Variants in AUTS2 observed in about 807,000 individuals in gnomAD.
The protein encoded by AUTS2 is autism susceptibility gene 2 protein.
In AUTS2, 17 loss-of-function variants were observed where a neutral mutation model predicts 112.4. That is an observed-to-expected ratio of 0.15 (90% CI 0.10 to 0.23). The LOEUF (loss-of-function observed/expected upper bound fraction) is 0.23, where lower values mean the gene tolerates loss of function less well. Among genes scored for constraint, AUTS2 ranks in the 10% least tolerant of loss-of-function variants. AUTS2 has a pLI of 1.00. For missense variants in AUTS2, 1,510 were observed against 1,701.6 expected, an observed-to-expected ratio of 0.89 and a Z score of 1.98; for synonymous variants, 751 against 702.7, an observed-to-expected ratio of 1.07 and a Z score of -1.09.
At chr7:70,680,631 G>A (rs894447579) in intron 5 of AUTS2, among the ~76,000 whole-genome samples, 1 of 152,166 alleles carries the variant, frequency 6.6e-6, no homozygotes, top group African/African-American at 2.4e-5. Context: ...CTGTGAGTGA[G>A]CACTGGTAAC....
At position 69,948,773 on chromosome 7, in the gene AUTS2, C is replaced by CATTTATTT. The variant is rs36128585; in HGVS notation, c.522+49316_522+49323dup. Among the ~76,000 whole-genome samples, 519 of 147,130 alleles carry CATTTATTT rather than the reference C, an allele frequency of 3.5e-3. 5 individuals carry two copies. The highest frequency in any genetic ancestry group is 0.01 in the East Asian group (51 of 4,980). On this transcript the variant is annotated intron_variant, in intron 2 of 18. Transcript: ENST00000342771. ...AAAAGGAAAAGCCAAAATTTTCTTT[C>CATTTATTT]ATTTATTTATTTATTTATTTATTTA...
intron 2 of AUTS2, among the ~76,000 whole-genome samples, chr7:69,912,126 C>T (rs762565859): frequency 8.5e-5 from 13 of 152,196 alleles, no homozygotes; most frequent in East Asian, 5.8e-4. Flanking sequence ...CAATGCCACC[C>T]GAGTGCATGC....
At chr7:70,027,387 A>G (rs1800568290) in intron 2 of AUTS2, among the ~76,000 whole-genome samples, 1 of 151,948 alleles carries the variant, frequency 6.6e-6, no homozygotes, top group Non-Finnish European at 1.5e-5. Context: ...TATATTTGTT[A>G]GTGTTTCTTC....
At chr7:69,890,758 C>T (rs1794484986) in intron 1 of AUTS2, among the ~76,000 whole-genome samples, 2 of 151,994 alleles carry the variant, frequency 1.3e-5, no homozygotes, top group South Asian at 4.2e-4. Flanking sequence ...AGGCAGTGCT[C>T]CTCAGTCAAG....
rs561433936 is a variant in AUTS2, at chr7:69,770,688, G to A, written c.310-128598G>A. Reference sequence around the variant, plus strand: ...TTTCGGAGATAGTGTGCTTTATATAGCAAGGATTTCCAGGGACCTACTAGA... The same window carrying A: ...TTTCGGAGATAGTGTGCTTTATATAACAAGGATTTCCAGGGACCTACTAGA... On this transcript the variant is annotated intron_variant, in intron 1 of 18. Coordinates refer to ENST00000342771, the MANE Select transcript of AUTS2 (RefSeq NM_015570.4). 5.9e-5 allele frequency among the ~76,000 whole-genome samples: 9 copies of A among 152,244 alleles called. No individual in the cohort carries two copies. The East Asian group carries it at 1.2e-3, about 20-fold the overall frequency.
intron 4 of AUTS2, among the ~76,000 whole-genome samples, chr7:70,295,708 C>A (rs1009815667): frequency 6.6e-6 from 1 of 152,120 alleles, no homozygotes; most frequent in African/African-American, 2.4e-5. Flanking sequence ...TTCTCTTCTT[C>A]GTGAAACCTG....
At chr7:70,450,058 TA>T (rs1351949859) in intron 5 of AUTS2, among the ~76,000 whole-genome samples, 5 of 152,178 alleles carry the variant, frequency 3.3e-5, no homozygotes, top group Non-Finnish European at 7.4e-5. Context: ...CAGTACTACT[TA>T]AACTTCAGCA....
intron 5 of AUTS2, among the ~76,000 whole-genome samples, chr7:70,540,496 C>A (rs970435685): frequency 4.6e-5 from 7 of 152,152 alleles, no homozygotes; most frequent in Non-Finnish European, 8.8e-5. Context: ...AGCACACAGT[C>A]GTCTCTGGGT....
chr7:70,224,326 GTACAGTACAATACAA>G (rs1258108579), intron 4 of AUTS2, among the ~76,000 whole-genome samples: 3 of 111,904 alleles, frequency 2.7e-5, no homozygotes, highest in East Asian at 2.7e-4. Context: ...ATACAATACA[GTACAGTACAATACAA>G]TACAATACAA....
At chr7:69,881,671 T>C (rs1794051750) in intron 1 of AUTS2, among the ~76,000 whole-genome samples, 1 of 152,128 alleles carries the variant, frequency 6.6e-6, no homozygotes, top group African/African-American at 2.4e-5. Flanking sequence ...CAAACTTTCC[T>C]AAAGTTTCCA....
intron 2 of AUTS2, among the ~76,000 whole-genome samples, chr7:69,998,590 A>T (rs1799050850): frequency 1.3e-5 from 2 of 152,222 alleles, no homozygotes; most frequent in Non-Finnish European, 2.9e-5. Flanking sequence ...CTGTTTGTTT[A>T]GTAAATATTT....
chr7:70,402,980 A>G (rs1047189788), intron 4 of AUTS2, among the ~76,000 whole-genome samples: 11 of 152,200 alleles, frequency 7.2e-5, no homozygotes, highest in African/African-American at 2.4e-4. Flanking sequence ...TCCTCATTAA[A>G]ATAATGTTAT....
intron 1 of AUTS2, among the ~76,000 whole-genome samples, chr7:69,614,362 T>TTCTTTCTTTCTTTCTC (rs1793227082): frequency 1.2e-5 from 1 of 84,946 alleles, no homozygotes; most frequent in Admixed American, 1.2e-4. Context: ...CTTTCTTTCT[T>TTCTTTCTTTCTTTCTC]TCTTTTTTTA....
At chr7:69,976,746 G>C (rs532276024) in intron 2 of AUTS2, among the ~76,000 whole-genome samples, 1 of 152,064 alleles carries the variant, frequency 6.6e-6, no homozygotes, top group Non-Finnish European at 1.5e-5. Flanking sequence ...ATTATCTTTG[G>C]AGAAATTTCT....
chr7:70,583,134 T>C (rs1023470753), intron 5 of AUTS2, among the ~76,000 whole-genome samples: 1 of 152,224 alleles, frequency 6.6e-6, no homozygotes, highest in East Asian at 1.9e-4. Flanking sequence ...GCCCGTGGAT[T>C]AGCCTAGTCT....
intron 2 of AUTS2, among the ~76,000 whole-genome samples, chr7:70,043,601 CTTCCTTTT>C (rs1425676714): frequency 6.1e-4 from 16 of 26,078 alleles, no homozygotes; most frequent in African/African-American, 2.6e-3. Context: ...TCCTTCCTTC[CTTCCTTTT>C]TTTTTTTTTT....
intron 1 of AUTS2, among the ~76,000 whole-genome samples, chr7:69,873,883 G>A (rs1008725331): frequency 6.6e-6 from 1 of 152,174 alleles, no homozygotes; most frequent in Non-Finnish European, 1.5e-5. Flanking sequence ...AATGTTTATT[G>A]ATACTTAATA....
intron 4 of AUTS2, among the ~76,000 whole-genome samples, chr7:70,235,530 C>T (rs951454175): frequency 6.6e-6 from 1 of 152,174 alleles, no homozygotes; most frequent in African/African-American, 2.4e-5. Context: ...TCCTATACTA[C>T]CTTTATTATC....
At chr7:69,975,953 C>T (rs1019721564) in intron 2 of AUTS2, among the ~76,000 whole-genome samples, 1 of 152,144 alleles carries the variant, frequency 6.6e-6, no homozygotes, top group African/African-American at 2.4e-5. Context: ...GCTCTGATTA[C>T]AGGCTTGAAC....
Sources: allele counts gnomAD v4.1 joint callset (sites outside exome capture counted in the v4.1 genomes callset), GRCh38; gene constraint gnomAD v4.1.1; transcripts MANE v1.5; gene names NCBI Gene and HGNC (gene_info 2026-07-23, HGNC 2026-07-21).